ARHGAP42: variants seen among roughly 807,000 people sequenced by gnomAD.
The protein encoded by ARHGAP42 is Rho GTPase activating protein 42.
ARHGAP42 carries 63 observed loss-of-function variants against 125.0 expected under a neutral mutation model. That is an observed-to-expected ratio of 0.50 (90% confidence interval 0.41 to 0.62). The LOEUF (loss-of-function observed/expected upper bound fraction) is 0.62. Ranked by LOEUF, ARHGAP42 falls within the 20% of genes least tolerant of loss-of-function variation. The pLI, the probability that ARHGAP42 is intolerant of heterozygous loss-of-function variation, is 0.00. For missense variants in ARHGAP42, 766 were observed against 1,024.2 expected, an observed-to-expected ratio of 0.75 and a Z score of 3.44; for synonymous variants, 339 against 351.0, an observed-to-expected ratio of 0.97 and a Z score of 0.38.
chr11:100,705,749 T>C (rs1861473221), intron 1 of ARHGAP42, among the ~76,000 whole-genome samples: 1 of 152,148 alleles, frequency 6.6e-6, no homozygotes, highest in South Asian at 2.1e-4. Context: ...TTTTATTTTT[T>C]AGAGTCAGGG....
intron 1 of ARHGAP42, among the ~76,000 whole-genome samples, chr11:100,707,116 A>C (rs1230710756): frequency 1.3e-5 from 2 of 152,240 alleles, no homozygotes; most frequent in African/African-American, 4.8e-5. Context: ...TTTCAGATAT[A>C]TGAATGCACC....
intron 1 of ARHGAP42, among the ~76,000 whole-genome samples, chr11:100,736,087 C>G (rs1228594811): frequency 6.6e-6 from 1 of 152,132 alleles, no homozygotes; most frequent in Non-Finnish European, 1.5e-5. Flanking sequence ...CATGGCCCAG[C>G]TGTTTCTACT....
chr11:100,749,526 C>T (rs546673578), intron 1 of ARHGAP42, among the ~76,000 whole-genome samples: 8 of 151,546 alleles, frequency 5.3e-5, no homozygotes, highest in South Asian at 2.1e-4. Context: ...AGGGATGTCT[C>T]GCCTTGCCTG....
chr11:100,765,322 A>G (rs774718696), intron 1 of ARHGAP42, among the ~76,000 whole-genome samples: 25 of 152,088 alleles, frequency 1.6e-4, no homozygotes, highest in South Asian at 4.1e-4. Flanking sequence ...GTGCCTTTTT[A>G]TTTGCCACCT....
chr11:100,722,459 T>C (rs1052067031), intron 1 of ARHGAP42, among the ~76,000 whole-genome samples: 9 of 151,524 alleles, frequency 5.9e-5, no homozygotes, highest in Non-Finnish European at 1.0e-4. Context: ...GTGGCACGAT[T>C]GGCTCACTAC....
At chr11:100,821,610 CA>C (rs555591908) in intron 3 of ARHGAP42, among the ~76,000 whole-genome samples, 248 of 104,854 alleles carry the variant, frequency 2.4e-3, no homozygotes, top group Middle Eastern at 0.01. Context: ...ACTCCCACCA[CA>C]AAAAAAAAAA....
chr11:100,771,847 G>A (rs1476779730), intron 2 of ARHGAP42, among the ~76,000 whole-genome samples: 4 of 152,116 alleles, frequency 2.6e-5, no homozygotes, highest in South Asian at 2.1e-4. Flanking sequence ...TGATCCACCC[G>A]CCTTGGCCTC....
chr11:100,925,475 C>A (rs566254282), intron 6 of ARHGAP42, among the ~76,000 whole-genome samples: 1 of 152,052 alleles, frequency 6.6e-6, no homozygotes, highest in Non-Finnish European at 1.5e-5. Flanking sequence ...CAGTAGCTCA[C>A]GCCTGTAATC....
At chr11:100,944,445 T>TC (rs931884313) in intron 10 of ARHGAP42, among the ~76,000 whole-genome samples, 1 of 152,086 alleles carries the variant, frequency 6.6e-6, no homozygotes, top group Non-Finnish European at 1.5e-5. Flanking sequence ...TAATCCATGA[T>TC]CTATCTTTCT....
intron 7 of ARHGAP42, among the ~76,000 whole-genome samples, chr11:100,935,803 C>A (rs1194129526): frequency 6.6e-6 from 1 of 152,062 alleles, no homozygotes; most frequent in African/African-American, 2.4e-5. Flanking sequence ...GTGAATACTG[C>A]CAGAAGAATC....
chr11:100,806,803 T>C (rs541968971), intron 3 of ARHGAP42, among the ~76,000 whole-genome samples: 159 of 151,290 alleles, frequency 1.1e-3, no homozygotes, highest in Non-Finnish European at 2.0e-3. Flanking sequence ...AATCATAAAA[T>C]TCATTTTTAA....
intron 22 of ARHGAP42, among the ~76,000 whole-genome samples, chr11:100,979,701 A>AT (rs11435155): frequency 0.63 from 94,198 of 148,762 alleles, 29,708 homozygotes; most frequent in Middle Eastern, 0.7. Context: ...GCTTTTCATT[A>AT]TTTTTTTTTT....
chr11:100,853,245 T>C (rs1340977744), intron 3 of ARHGAP42, among the ~76,000 whole-genome samples: 1 of 152,182 alleles, frequency 6.6e-6, no homozygotes, highest in African/African-American at 2.4e-5. Flanking sequence ...TTGATATTTA[T>C]AGTTGAAAAG....
intron 6 of ARHGAP42, 97 bp from the exon 7 acceptor site, chr11:100,933,059 A>T: frequency 1.2e-6 from 1 of 803,656 alleles, no homozygotes; most frequent in Non-Finnish European, 1.9e-6. Flanking sequence ...TATTAGTTTG[A>T]GGAATTATAA....
intron 1 of ARHGAP42, among the ~76,000 whole-genome samples, chr11:100,704,049 G>A (rs762776743): frequency 3.9e-5 from 6 of 152,172 alleles, no homozygotes; most frequent in Non-Finnish European, 8.8e-5. Context: ...TGGAGGGGCT[G>A]AGTGTGTTAA....
At chr11:100,987,716 T>C in intron 23 of ARHGAP42, 124 bp downstream of exon 23, 5 of 867,486 alleles carry the variant, frequency 5.8e-6, no homozygotes, top group Non-Finnish European at 7.3e-6. Flanking sequence ...CTGCCTCTCA[T>C]AACGGGCATG....
chr11:100,747,395 G>T (rs528924405), intron 1 of ARHGAP42, among the ~76,000 whole-genome samples: 1 of 152,132 alleles, frequency 6.6e-6, no homozygotes, highest in Non-Finnish European at 1.5e-5. Flanking sequence ...ATAAAACCTT[G>T]TAGACATATT....
At chr11:100,911,312 T>C (rs547645843) in intron 4 of ARHGAP42, among the ~76,000 whole-genome samples, 1 of 152,274 alleles carries the variant, frequency 6.6e-6, no homozygotes, top group African/African-American at 2.4e-5. Context: ...CATTAGGTAT[T>C]CCATTTTAAG....
intron 12 of ARHGAP42, among the ~76,000 whole-genome samples, chr11:100,957,234 A>T (rs1857827546): frequency 6.6e-6 from 1 of 152,074 alleles, no homozygotes; most frequent in Non-Finnish European, 1.5e-5. Flanking sequence ...AATTAGAACT[A>T]ATGACTGGCT....
Sources: allele counts gnomAD v4.1 joint callset (sites outside exome capture counted in the v4.1 genomes callset), GRCh38; gene constraint gnomAD v4.1.1; transcripts MANE v1.5; gene names NCBI Gene and HGNC (gene_info 2026-07-23, HGNC 2026-07-21).